Variants in KIF17 observed in about 807,000 individuals in gnomAD.
KIF17 encodes kinesin-like protein KIF17.
Under a neutral mutation model 96.8 loss-of-function variants are expected in KIF17, and 80 were observed. The ratio of observed to expected loss-of-function variants is 0.83; its 90% CI spans 0.69 to 1.00. The LOEUF is 1.00. Ranked by LOEUF, KIF17 falls within the 50% of genes least tolerant of loss-of-function variation. The pLI is 0.00. For synonymous variants in KIF17, 567 were observed against 587.5 expected, an observed-to-expected ratio of 0.97 and a Z score of 0.51; for missense variants, 1,280 against 1,372.9, an observed-to-expected ratio of 0.93 and a Z score of 1.07.
chr1:20,717,796 C>T lies in KIF17; in HGVS notation c.-90G>A. The T allele has an allele frequency of 2.2e-6, 3 of 1,338,800 alleles. No homozygotes were observed. Among genetic ancestry groups the T allele is most frequent in the Non-Finnish European group, 2.9e-6 (3 of 1,048,740 alleles). The allele number at this position is 1,338,800 out of a possible 1,614,324, so 82.9% of individuals were successfully genotyped here. A position where few individuals can be genotyped will look rare whatever the true frequency, so the allele number is the denominator to read the frequency against. On this transcript the variant is annotated 5_prime_UTR_variant, in exon 1 of 15. Transcript: ENST00000400463. ...CCGGGCCAAGGGGCGGGGCCAGCGC[C>T]GGCCACGGGGGGCGGGGCCTTGAGG...
intron 13 of KIF17, among the ~76,000 whole-genome samples, chr1:20,667,329 C>A (rs1469996298): frequency 1.3e-5 from 2 of 152,112 alleles, no homozygotes; most frequent in Non-Finnish European, 2.9e-5. Context: ...GAATCTAATG[C>A]CTGAAGATCT....
chr1:20,697,785 G>A (rs2154536802), intron 6 of KIF17, among the ~76,000 whole-genome samples: 2 of 152,372 alleles, frequency 1.3e-5, no homozygotes, highest in East Asian at 1.9e-4. Context: ...GGCTGTGGAA[G>A]TCCCGCTCTG....
At chr1:20,688,048 T>A in intron 7 of KIF17, 104 bp from the exon 8 acceptor site, 1 of 965,306 alleles carries the variant, frequency 1.0e-6, no homozygotes, top group African/African-American at 1.7e-5. Context: ...TTGTTTGTTT[T>A]TTTTTTGTTT....
Position 20,699,672 on chromosome 1 carries a change from G to A in KIF17, c.1124-1184C>T, listed in dbSNP as rs1477352912. 1.3e-5 allele frequency among the ~76,000 whole-genome samples: 2 copies of A among 152,012 alleles called. No homozygotes were observed. The highest frequency in any genetic ancestry group is 2.1e-4 in the South Asian group (1 of 4,822). ...AGGAGGAGCTTGCTAGACAGGAGGC[G>A]CTTGCTAGACAGGGGGAGCTTGCTA... On this transcript the variant is annotated intron_variant, in intron 5 of 14. Coordinates refer to ENST00000400463, the MANE Select transcript of KIF17 (RefSeq NM_001122819.3). The surrounding 1 kb of genome is among the most constrained non-coding windows in gnomAD (Gnocchi z 4.3).
intron 11 of KIF17, among the ~76,000 whole-genome samples, chr1:20,677,670 A>G (rs1448540481): frequency 6.6e-6 from 1 of 152,150 alleles, no homozygotes; most frequent in South Asian, 2.1e-4. Context: ...CCTGGCCACC[A>G]CAGTGAAACC....
chr1:20,698,627 T>G lies in KIF17; in HGVS notation c.1124-139A>C. 3 of 624,694 alleles carry G rather than the reference T, an allele frequency of 4.8e-6. No individual in the cohort carries two copies. In the South Asian group the frequency reaches 5.5e-5, roughly 11 times the overall value. The allele number at this position is 624,694 out of a possible 1,614,324, so 38.7% of individuals were successfully genotyped here. On this transcript the variant is annotated intron_variant, in intron 5 of 14. Transcript: ENST00000400463. ...TCAGCTTATTTCAAACACATCTCCA[T>G]GTAAAAGGCTGTTAGTCATCCAACA...
chr1:20,704,321 G>A lies in KIF17; in HGVS notation c.1123+126C>T, dbSNP rs2054300472. ...AACCAGGGCCCTGCGCTCACATGGG[G>A]CTGAGGGGTGGGAGGATGCTGCTCC... is the stretch of plus-strand genomic sequence containing the variant. On this transcript the variant is annotated intron_variant, in intron 5 of 14. Coordinates refer to ENST00000400463, the MANE Select transcript of KIF17 (RefSeq NM_001122819.3). The surrounding 1 kb of genome is among the most constrained non-coding windows in gnomAD (Gnocchi z 6.8). The A allele has an allele frequency of 3.8e-6, 3 of 799,332 alleles. No homozygotes were observed. Among genetic ancestry groups the A allele is most frequent in the Non-Finnish European group, 6.3e-6 (3 of 474,618 alleles). 49.5% of individuals were successfully genotyped at this position (799,332 alleles called of 1,614,324 possible). A position where few individuals can be genotyped will look rare whatever the true frequency, so the allele number is the denominator to read the frequency against.
At chr1:20,677,854 TCA>T (rs1465017600) in intron 11 of KIF17, among the ~76,000 whole-genome samples, 5 of 152,216 alleles carry the variant, frequency 3.3e-5, no homozygotes, top group Non-Finnish European at 5.9e-5. Flanking sequence ...AGACTCCGTC[TCA>T]AAAACAGAAA....
intron 2 of KIF17, among the ~76,000 whole-genome samples, chr1:20,714,007 T>C (rs1259881318): frequency 6.6e-6 from 1 of 151,624 alleles, no homozygotes; most frequent in African/African-American, 2.4e-5. Context: ...ACCAACAAGG[T>C]GAAACCCCCG....
At chr1:20,711,783 G>A (rs994922825) in intron 3 of KIF17, among the ~76,000 whole-genome samples, 9 of 152,294 alleles carry the variant, frequency 5.9e-5, no homozygotes, top group African/African-American at 1.9e-4. Context: ...TTAAGCACGG[G>A]TTAAGAGTGT....
Position 20,690,348 on chromosome 1 carries a change from G to GCCC in KIF17, c.1234-14_1234-13insGGG. 21 of 757,358 alleles carry GCCC rather than the reference G, an allele frequency of 2.8e-5. No individual in the cohort carries two copies. Among genetic ancestry groups the GCCC allele is most frequent in the East Asian group, 9.6e-5 (2 of 20,916 alleles). 46.9% of individuals were successfully genotyped at this position (757,358 alleles called of 1,614,324 possible). A position where few individuals can be genotyped will look rare whatever the true frequency, so the allele number is the denominator to read the frequency against. Reference sequence around the variant, plus strand: ...GCTCTTCATACTCCTGGGGGGGTGGGAGGGACCAGAGGGCAGGCAGCATTT... The same window carrying GCCC: ...GCTCTTCATACTCCTGGGGGGGTGGGCCCAGGGACCAGAGGGCAGGCAGCATTT... On this transcript the variant is annotated splice_polypyrimidine_tract_variant and intron_variant, in intron 6 of 14. Transcript: ENST00000400463.
chr1:20,678,806 C>T (rs370843873), intron 11 of KIF17, among the ~76,000 whole-genome samples: 3 of 152,072 alleles, frequency 2.0e-5, no homozygotes, highest in African/African-American at 2.4e-5. Context: ...GAGACCAGTA[C>T]GTGTGCAGGA....
In KIF17 at chr1:20,672,254, C is replaced by A; in HGVS notation, c.2464-58G>T. The A allele has an allele frequency of 6.3e-7, 1 of 1,598,226 alleles. No homozygotes were observed. The highest frequency in any genetic ancestry group is 8.5e-7 in the Non-Finnish European group (1 of 1,173,992). On this transcript the variant is annotated intron_variant, in intron 11 of 14. Transcript: ENST00000400463. This position sits in a 1 kb window ranked among gnomAD's most constrained non-coding sequence, Gnocchi z 4.3. ...GAAAGATACCTCCCCTTCCATCTAA[C>A]CACCCTGTCCACTCACTGTCCTGCC...
At chr1:20,680,657 C>G (rs2053814221) in intron 11 of KIF17, among the ~76,000 whole-genome samples, 1 of 151,932 alleles carries the variant, frequency 6.6e-6, no homozygotes, top group African/African-American at 2.4e-5. Context: ...ATGAACATTT[C>G]TAATCCAAAA....
intron 11 of KIF17, among the ~76,000 whole-genome samples, 164 bp downstream of exon 11, chr1:20,682,489 G>A (rs1296095994): frequency 1.3e-5 from 2 of 152,192 alleles, no homozygotes; most frequent in African/African-American, 2.4e-5. Context: ...CAGCCTGGGC[G>A]ACAGAGAGAC....
intron 7 of KIF17, among the ~76,000 whole-genome samples, chr1:20,688,737 C>T (rs528577745): frequency 1.2e-3 from 178 of 152,318 alleles, no homozygotes; most frequent in Admixed American, 2.6e-3. Context: ...TAAATGAATG[C>T]TGTGGATGAA....
At chr1:20,713,352 T>C in intron 3 of KIF17, 102 bp downstream of exon 3, 1 of 841,188 alleles carries the variant, frequency 1.2e-6, no homozygotes, top group Non-Finnish European at 1.9e-6. Flanking sequence ...AGCCTCCCAG[T>C]GCCGGCACCC....
chr1:20,682,513 A>G (rs1408581514), intron 11 of KIF17, 140 bp downstream of exon 11: 1 of 725,468 alleles, frequency 1.4e-6, no homozygotes, highest in Non-Finnish European at 2.4e-6. Context: ...GTCTCTAAAA[A>G]TAAATAATAA....
chr1:20,679,129 T>C (rs1227339170), intron 11 of KIF17, among the ~76,000 whole-genome samples: 2 of 151,146 alleles, frequency 1.3e-5, no homozygotes, highest in Non-Finnish European at 2.9e-5. Context: ...CTGGGCAACA[T>C]GGCAAAACCC....
Sources: allele counts gnomAD v4.1 joint callset (sites outside exome capture counted in the v4.1 genomes callset), GRCh38; gene constraint gnomAD v4.1.1; non-coding constraint Gnocchi (gnomAD v3.1); transcripts MANE v1.5; gene names NCBI Gene and HGNC (gene_info 2026-07-23, HGNC 2026-07-21).